SYT7: variants seen among roughly 807,000 people sequenced by gnomAD.
SYT7 encodes the protein synaptotagmin-7.
Under a neutral mutation model 75.1 loss-of-function variants are expected in SYT7, and 29 were observed. The ratio of observed to expected loss-of-function variants is 0.39; its 90% confidence interval spans 0.29 to 0.53. The LOEUF is 0.53. SYT7 is among the 20% of genes least tolerant of loss of function. SYT7 has a pLI of 0.77. For missense variants in SYT7, 693 were observed against 953.2 expected, an observed-to-expected ratio of 0.73 and a Z score of 3.59; for synonymous variants, 376 against 401.7, an observed-to-expected ratio of 0.94 and a Z score of 0.76.
upstream of SYT7, among the ~76,000 whole-genome samples, chr11:61,583,731 G>A (rs904468898): frequency 2.0e-5 from 3 of 152,216 alleles, no homozygotes; most frequent in African/African-American, 7.2e-5. Flanking sequence ...CCTTGTTCCA[G>A]GATGTCAGAG....
chr11:61,565,223 C>T (rs2063737708), intron 1 of SYT7, among the ~76,000 whole-genome samples: 1 of 152,156 alleles, frequency 6.6e-6, no homozygotes, highest in Non-Finnish European at 1.5e-5. Flanking sequence ...CCATAGGAAG[C>T]ACCCTCCATG....
At chr11:61,540,162 G>C (rs2062999936) in intron 6 of SYT7, 3 of 152,276 alleles carry the variant, frequency 2.0e-5, no homozygotes, top group African/African-American at 7.2e-5. Flanking sequence ...GTTAGGATGA[G>C]GGGCACGGGC....
chr11:61,532,966 A>G (rs1232137382), intron 8 of SYT7, 23 bp downstream of exon 8: 15 of 1,611,332 alleles, frequency 9.3e-6, no homozygotes, highest in Non-Finnish European at 1.3e-5. Flanking sequence ...TCCTTGGAGC[A>G]GCGCAGGCTC....
At position 61,524,172 on chromosome 11, in the gene SYT7, C is replaced by G. The variant is rs531196015; in HGVS notation, c.1641+191G>C. Among the ~76,000 whole-genome samples, 9 of 152,176 alleles carry G rather than the reference C, an allele frequency of 5.9e-5. No individual in the cohort carries two copies. The highest frequency in any genetic ancestry group is 2.2e-4 in the African/African-American group (9 of 41,446). On this transcript the variant is annotated intron_variant, in intron 10 of 12. Coordinates refer to ENST00000539008, the MANE Select transcript of SYT7 (RefSeq NM_001365809.2). The surrounding 1 kb of genome is among the most constrained non-coding windows in gnomAD (Gnocchi z 4.1). Reference sequence around the variant, plus strand: ...TAGCCCTAGGTTCCTTCTTACAGATCGGGTGAGTCCCCCCAAGTGCCAAGC... The same window carrying G: ...TAGCCCTAGGTTCCTTCTTACAGATGGGGTGAGTCCCCCCAAGTGCCAAGC...
rs1006977241 is a variant in SYT7 at position 61,553,617 on chromosome 11, G to C, written c.136-2154C>G. Among the ~76,000 whole-genome samples, 1 of 152,196 alleles carries C rather than the reference G, an allele frequency of 6.6e-6. No homozygotes were observed. Among genetic ancestry groups the C allele is most frequent in the Non-Finnish European group, 1.5e-5 (1 of 68,034 alleles). On this transcript the variant is annotated intron_variant, in intron 2 of 12. Coordinates refer to ENST00000539008, the MANE Select transcript of SYT7 (RefSeq NM_001365809.2). This position sits in a 1 kb window ranked among gnomAD's most constrained non-coding sequence, Gnocchi z 5.2. ...AGGTGCTATGGGGGACAGGAACCAG[G>C]CCAGGACTTGATGTGGAGGGCAGGG...
chr11:61,544,726 A>G (rs564959239), intron 5 of SYT7, among the ~76,000 whole-genome samples: 8 of 152,216 alleles, frequency 5.3e-5, no homozygotes, highest in Non-Finnish European at 1.2e-4. Context: ...ATGGAGGCCT[A>G]ACCGGCCTGG....
intron 12 of SYT7, among the ~76,000 whole-genome samples, chr11:61,522,600 C>T (rs1474534434): frequency 6.6e-6 from 1 of 152,188 alleles, no homozygotes; most frequent in Admixed American, 6.5e-5. Flanking sequence ...AACACTAAAG[C>T]TTGGAGAGGC....
At chr11:61,538,335 A>AGGAGAGAG in intron 6 of SYT7, 69 bp from the exon 7 acceptor site, 1 of 411,268 alleles carries the variant, frequency 2.4e-6, no homozygotes, top group Non-Finnish European at 4.0e-6. Flanking sequence ...GCAGGGGGGA[A>AGGAGAGAG]GGAGAGAGAG....
intron 7 of SYT7, among the ~76,000 whole-genome samples, chr11:61,535,727 G>A (rs1427496154): frequency 2.0e-5 from 3 of 152,182 alleles, no homozygotes; most frequent in East Asian, 1.9e-4. Context: ...CTCCCGGGAC[G>A]CTGTCTCCCA....
At position 61,552,452 on chromosome 11, in the gene SYT7, G is replaced by GCA. The variant is rs150416838; in HGVS notation, c.136-991_136-990dup. 9.8e-4 allele frequency among the ~76,000 whole-genome samples: 141 copies of GCA among 144,036 alleles called. 4 individuals carry two copies. The highest frequency in any genetic ancestry group is 7.8e-3 in the East Asian group (40 of 5,134). The allele number at this position is 144,036 out of a possible 152,430, so 94.5% of individuals were successfully genotyped here. ...GGCACTGGCCTGCCCCTCCCCGGCT[G>GCA]CACACACACACACACACATGCACAC... On this transcript the variant is annotated intron_variant, in intron 2 of 12. Coordinates refer to ENST00000539008, the MANE Select transcript of SYT7 (RefSeq NM_001365809.2).
At chr11:61,538,326 CA>C (rs1176004663) in intron 6 of SYT7, 60 bp from the exon 7 acceptor site, 34 of 721,022 alleles carry the variant, frequency 4.7e-5, no homozygotes, top group Non-Finnish European at 6.2e-5. Flanking sequence ...TGGGCGGGGG[CA>C]GGGGGGAAGG....
upstream of SYT7, among the ~76,000 whole-genome samples, chr11:61,581,340 G>A (rs2064268461): frequency 6.6e-6 from 1 of 151,004 alleles, no homozygotes; most frequent in African/African-American, 2.4e-5. Context: ...CCACGGCCGG[G>A]CTCGTCCGGC....
At chr11:61,557,744 G>T (rs778179330) in intron 1 of SYT7, among the ~76,000 whole-genome samples, 1 of 152,324 alleles carries the variant, frequency 6.6e-6, no homozygotes, top group Non-Finnish European at 1.5e-5. Flanking sequence ...CAGGGGCCAC[G>T]GCACCCAGGA....
At position 61,547,245 on chromosome 11, in the gene SYT7, G is replaced by A; in HGVS notation, c.279C>T (p.Tyr93=). 1 of 1,535,814 alleles carries A rather than the reference G, an allele frequency of 6.5e-7. No individual in the cohort carries two copies. Reference sequence around the variant, plus strand: ...TGTTTAGAATAAACTCCTTGGGAGGGTAGGAGCTCCATTTCTGCTGCACTG... The same window carrying A: ...TGTTTAGAATAAACTCCTTGGGAGGATAGGAGCTCCATTTCTGCTGCACTG... ...ESTVQQKWSS[Y]PPKEFILNIS... is the part of the protein sequence containing the mutation. Residue 93 remains tyrosine, a synonymous_variant, in exon 4 of 13, where the codon TAC becomes TAT. Transcript: ENST00000539008.
chr11:61,524,848 C>T lies in SYT7; in HGVS notation c.1472-316G>A, dbSNP rs2062461826. ...AGTAGAACTGCGATCATCCATTCAC[C>T]CATGCACCTTGTGTCCATCTCAGTG... is the stretch of plus-strand genomic sequence containing the variant. On this transcript the variant is annotated intron_variant, in intron 9 of 12. Coordinates refer to ENST00000539008, the MANE Select transcript of SYT7 (RefSeq NM_001365809.2). The surrounding 1 kb of genome is among the most constrained non-coding windows in gnomAD (Gnocchi z 4.1). 1 of 232,620 alleles carries T rather than the reference C, an allele frequency of 4.3e-6. No individual in the cohort carries two copies. The highest frequency in any genetic ancestry group is 2.3e-5 in the African/African-American group (1 of 43,322). The allele number at this position is 232,620 out of a possible 1,614,324, so 14.4% of individuals were successfully genotyped here.
intron 2 of SYT7, 72 bp downstream of exon 2, chr11:61,556,028 TTGTG>T: frequency 3.1e-6 from 4 of 1,276,356 alleles, no homozygotes; most frequent in Non-Finnish European, 4.4e-6. Context: ...AAGCCTGTAA[TTGTG>T]TGTGTGTGTG....
Position 61,514,340 on chromosome 11 carries a change from C to A in SYT7, c.*4287G>T, listed in dbSNP as rs913529728. 1.3e-5 allele frequency among the ~76,000 whole-genome samples: 2 copies of A among 152,182 alleles called. No individual in the cohort carries two copies. The highest frequency in any genetic ancestry group is 2.9e-5 in the Non-Finnish European group (2 of 68,026). On this transcript the variant is annotated 3_prime_UTR_variant, in exon 13 of 13. Coordinates refer to ENST00000539008, the MANE Select transcript of SYT7 (RefSeq NM_001365809.2). ...CAGAGATCAGAAGTGATATCTAAAC[C>A]AGGTTGTGGGAAATGAGGGACAGAC...
chr11:61,527,797 G>T, intron 9 of SYT7, 118 bp downstream of exon 9: 1 of 1,217,936 alleles, frequency 8.2e-7, no homozygotes, highest in South Asian at 1.4e-5. Flanking sequence ...GTGCATTTGT[G>T]GGCCTGCAGG....
At chr11:61,569,473 G>A (rs578118203) in intron 1 of SYT7, among the ~76,000 whole-genome samples, 56 of 152,268 alleles carry the variant, frequency 3.7e-4, no homozygotes, top group African/African-American at 1.3e-3. Flanking sequence ...ACATGTCCAT[G>A]CAGAGTAAGT....
Sources: gnomAD v4.1 joint callset for allele counts (sites outside exome capture counted in the v4.1 genomes callset) on GRCh38, gnomAD v4.1.1 for gene constraint, Gnocchi (gnomAD v3.1) non-coding constraint, MANE v1.5 for transcripts, NCBI Gene and HGNC (gene_info 2026-07-23, HGNC 2026-07-21) for gene names.